DACH2: variants seen among roughly 807,000 people sequenced by gnomAD.
The protein encoded by DACH2 is dachshund family transcription factor 2.
DACH2 carries 17 observed loss-of-function variants against 35.8 expected under a neutral mutation model. That is an observed-to-expected ratio of 0.48 (90% confidence interval 0.33 to 0.71). The LOEUF is 0.71. Among genes scored for constraint, DACH2 ranks in the 30% least tolerant of loss-of-function variants. The pLI, the probability that DACH2 is intolerant of heterozygous loss-of-function variation, is 0.02. For synonymous variants in DACH2, 195 were observed against 177.3 expected, an observed-to-expected ratio of 1.10 and a Z score of -0.79; for missense variants, 469 against 472.7, an observed-to-expected ratio of 0.99 and a Z score of 0.07.
intron 4 of DACH2, among the ~76,000 whole-genome samples, chrX:86,667,305 A>AAAGAAGGAAG (rs2040684929): frequency 1.8e-4 from 6 of 33,931 alleles, no homozygotes; most frequent in Non-Finnish European, 2.5e-4. Flanking sequence ...AAGGAAGGAA[A>AAAGAAGGAAG]GAAGGAAGGA....
intron 5 of DACH2, among the ~76,000 whole-genome samples, chrX:86,710,227 C>T (rs991238858): frequency 1.4e-4 from 16 of 111,694 alleles, no homozygotes; most frequent in African/African-American, 2.3e-4. Flanking sequence ...CTTGGGTGAA[C>T]CTTAAGCGGA....
intron 2 of DACH2, among the ~76,000 whole-genome samples, chrX:86,459,125 A>G (rs2037525137): frequency 8.9e-6 from 1 of 112,093 alleles, no homozygotes; most frequent in Non-Finnish European, 1.9e-5. Context: ...CTATGTAAAC[A>G]TTCTGAATAT....
chrX:86,546,420 T>TTCTTCTTCTTCTTCCTCTTCTTCTTCTTC (rs2038969824), intron 3 of DACH2, among the ~76,000 whole-genome samples: 1 of 55,182 alleles, frequency 1.8e-5, no homozygotes, highest in Non-Finnish European at 3.3e-5. Flanking sequence ...TCTTCTTCTT[T>TTCTTCTTCTTCTTCCTCTTCTTCTTCTTC]CTTCTTCTTC....
intron 4 of DACH2, among the ~76,000 whole-genome samples, chrX:86,681,148 C>A (rs1035743996): frequency 9.0e-6 from 1 of 111,398 alleles, no homozygotes; most frequent in African/African-American, 3.3e-5. Context: ...GTAAGCATTT[C>A]ATATTAACAA....
chrX:86,384,144 A>G (rs1221010269), intron 2 of DACH2, among the ~76,000 whole-genome samples: 2 of 110,833 alleles, frequency 1.8e-5, no homozygotes, highest in African/African-American at 3.3e-5. Context: ...GTGACAGACC[A>G]TGAATTTCTC....
chrX:86,421,741 T>C (rs1031456414), intron 2 of DACH2, among the ~76,000 whole-genome samples: 5 of 111,568 alleles, frequency 4.5e-5, no homozygotes, highest in Non-Finnish European at 9.5e-5. Flanking sequence ...CTACTTCTAT[T>C]ATAAAAATGA....
chrX:86,546,327 T>C (rs1602631130), intron 3 of DACH2, among the ~76,000 whole-genome samples: 1 of 89,383 alleles, frequency 1.1e-5, no homozygotes, highest in African/African-American at 4.8e-5. Context: ...CTCTTTCTTC[T>C]TCTTCTTCTT....
intron 11 of DACH2, among the ~76,000 whole-genome samples, chrX:86,821,299 G>A (rs2042509693): frequency 9.0e-6 from 1 of 111,267 alleles, no homozygotes; most frequent in Non-Finnish European, 1.9e-5. Flanking sequence ...TAGCAAGTCA[G>A]AGACCAGAGG....
chrX:86,346,736 T>C (rs1399911143), intron 1 of DACH2, among the ~76,000 whole-genome samples: 1 of 111,927 alleles, frequency 8.9e-6, no homozygotes, highest in Non-Finnish European at 1.9e-5. Context: ...GGATCCCCTA[T>C]ACTTTTTTGT....
intron 2 of DACH2, among the ~76,000 whole-genome samples, chrX:86,486,419 T>A (rs1477754262): frequency 9.0e-6 from 1 of 111,501 alleles, no homozygotes; most frequent in African/African-American, 3.3e-5. Context: ...TTAGTTTCTG[T>A]CTGGTATGTT....
At chrX:86,160,590 C>A in intron 1 of DACH2, 1 of 502,889 alleles carries the variant, frequency 2.0e-6, no homozygotes, top group Non-Finnish European at 3.6e-6. Context: ...AGGATGATCA[C>A]CTGAGCAGTG....
At chrX:86,537,644 A>C (rs1400633818) in intron 3 of DACH2, among the ~76,000 whole-genome samples, 1 of 111,843 alleles carries the variant, frequency 8.9e-6, no homozygotes, top group Non-Finnish European at 1.9e-5. Flanking sequence ...GCCACACAGC[A>C]ACCTGAATTC....
chrX:86,765,292 T>C (rs191524781), intron 7 of DACH2, among the ~76,000 whole-genome samples: 1 of 111,822 alleles, frequency 8.9e-6, no homozygotes, highest in Non-Finnish European at 1.9e-5. Context: ...TAGCCATAAA[T>C]TTTTTGCCAA....
chrX:86,671,737 A>C (rs748627901), intron 4 of DACH2, among the ~76,000 whole-genome samples: 3 of 112,119 alleles, frequency 2.7e-5, no homozygotes, highest in Non-Finnish European at 5.6e-5. Flanking sequence ...CAATATGAGA[A>C]TGGAATAATA....
intron 1 of DACH2, among the ~76,000 whole-genome samples, chrX:86,295,595 C>G (rs1045157661): frequency 9.0e-6 from 1 of 111,199 alleles, no homozygotes; most frequent in Non-Finnish European, 1.9e-5. Context: ...CAAGTTTGGA[C>G]CACTAGGATT....
chrX:86,478,971 T>C (rs1265797104), intron 2 of DACH2, among the ~76,000 whole-genome samples: 2 of 110,594 alleles, frequency 1.8e-5, no homozygotes, highest in Non-Finnish European at 3.8e-5. Context: ...AGATCATACG[T>C]GGGCTTGGAG....
intron 1 of DACH2, among the ~76,000 whole-genome samples, chrX:86,218,921 G>A (rs1437599893): frequency 8.9e-6 from 1 of 111,776 alleles, no homozygotes; most frequent in African/African-American, 3.2e-5. Context: ...AATACATACA[G>A]GGTTGATCTT....
At chrX:86,233,459 G>A (rs1416374092) in intron 1 of DACH2, among the ~76,000 whole-genome samples, 1 of 112,298 alleles carries the variant, frequency 8.9e-6, no homozygotes, top group East Asian at 2.8e-4. Flanking sequence ...TATTTTCAGA[G>A]TTACCAAGAA....
intron 3 of DACH2, among the ~76,000 whole-genome samples, chrX:86,615,030 T>C (rs1409812713): frequency 9.0e-6 from 1 of 111,676 alleles, no homozygotes. Flanking sequence ...CATAAAATGT[T>C]AGATCACCTT....
Sources: allele counts gnomAD v4.1 joint callset (sites outside exome capture counted in the v4.1 genomes callset), GRCh38; gene constraint gnomAD v4.1.1; transcripts MANE v1.5; gene names NCBI Gene and HGNC (gene_info 2026-07-23, HGNC 2026-07-21).